Variants in FAM47B observed in about 807,000 individuals in gnomAD.
The protein encoded by FAM47B is protein FAM47B.
For synonymous variants in FAM47B, 247 were observed against 215.8 expected (o/e 1.14, Z -1.27); for missense variants, 581 against 550.1 (o/e 1.06, Z -0.56).
rs1926808356 is a variant in FAM47B, at chrX:34,943,325, G to A, written c.494G>A (p.Arg165His). The A allele has an allele frequency of 8.3e-7, 1 of 1,211,110 alleles. No individual in the cohort carries two copies. Among genetic ancestry groups the A allele is most frequent in the Non-Finnish European group, 1.1e-6 (1 of 895,241 alleles). The change falls in exon 1 of 1, where the codon CGT (arginine) becomes CAT (histidine). Residue 165 changes from arginine to histidine, a missense_variant. Coordinates refer to ENST00000329357, the MANE Select transcript of FAM47B (RefSeq NM_152631.3). ...PERKLEDAWA[R>H]CEAREKTTEV... ...AGGAAGCTGGAGGACGCTTGGGCTC[G>A]TTGTGAGGCCCGGGAGAAGACAACC... is the stretch of plus-strand genomic sequence containing the variant.
Position 34,944,237 on chromosome X carries a change from C to T in FAM47B, c.1406C>T (p.Ala469Val). ...AGAAAACTCCGTGACTTCAAGTGGG[C>T]TGGAGACCTAGGAGTTAATGAAGAA... ...TSRKLRDFKWAGDLGVNEESI... is the reference protein window; with the variant it reads ...TSRKLRDFKWVGDLGVNEESI... Residue 469 changes from alanine to valine, a missense_variant, in exon 1 of 1, where the codon GCT (alanine) becomes GTT (valine). By Grantham distance (64) the Ala-to-Val change is moderately conservative (BLOSUM62 0). Transcript: ENST00000329357. The T allele has an allele frequency of 8.3e-7, 1 of 1,211,791 alleles. No individual in the cohort carries two copies.
At position 34,944,547 on chromosome X, in the gene FAM47B, C is replaced by A. The variant is rs766510395; in HGVS notation, c.1716C>A (p.Pro572=). The A allele has an allele frequency of 8.3e-7, 1 of 1,208,360 alleles. No individual in the cohort carries two copies. Among genetic ancestry groups the A allele is most frequent in the Non-Finnish European group, 1.1e-6 (1 of 894,600 alleles). ...ATGAACCTTTGATTGACCCCAAGCC[C>A]GTACTTGAAAAGCCTGATGAACCCG... is the stretch of plus-strand genomic sequence containing the variant. ...RSDEPLIDPK[P]VLEKPDEPDI... is the part of the protein sequence containing the mutation. Residue 572 remains proline (P), a synonymous_variant, in exon 1 of 1, where the codon CCC becomes CCA. Coordinates refer to ENST00000329357, the MANE Select transcript of FAM47B (RefSeq NM_152631.3).
At position 34,943,144 on chromosome X, in the gene FAM47B, T is replaced by G. The variant is rs1569204063; in HGVS notation, c.313T>G (p.Ser105Ala). ...KKLLKKAALF[S>A]ELSPVQPARK... The stretch of plus-strand genomic sequence containing the variant: ...GCTGCTCAAGAAAGCGGCCCTATTT[T>G]CCGAGCTCTCGCCAGTACAGCCAGC... The change falls in exon 1 of 1, where the codon TCC (serine) becomes GCC (alanine). Residue 105 changes from serine (S) to alanine (A), a missense_variant. Ser to Ala is a moderately conservative substitution (Grantham distance 99). Coordinates refer to ENST00000329357, the MANE Select transcript of FAM47B (RefSeq NM_152631.3). The G allele has an allele frequency of 1.7e-6, 2 of 1,211,609 alleles. No individual in the cohort carries two copies. Among genetic ancestry groups the G allele is most frequent in the South Asian group, 1.8e-5 (1 of 56,949 alleles).
chrX:34,944,377 G>T lies in FAM47B; in HGVS notation c.1546G>T (p.Asp516Tyr), dbSNP rs1480429154. ...SRLMYGMELD[D>Y]MDEVEFLRIK... is the part of the protein sequence containing the mutation. ...GCTGATGTACGGCATGGAGCTAGAC[G>T]ACATGGATGAGGTCGAATTCTTACG... Residue 516 changes from aspartate (D) to tyrosine (Y), a missense_variant, in exon 1 of 1, where the codon GAC becomes TAC. Coordinates refer to ENST00000329357, the MANE Select transcript of FAM47B (RefSeq NM_152631.3). The T allele has an allele frequency of 8.3e-7, 1 of 1,210,092 alleles. No individual in the cohort carries two copies. The highest frequency in any genetic ancestry group is 1.1e-6 in the Non-Finnish European group (1 of 895,387).
chrX:34,943,626 G>A lies in FAM47B; in HGVS notation c.795G>A (p.Lys265=), dbSNP rs1926822907. ...GVSHLCPEPP[K]TLVSSVHPEP... Reference sequence around the variant, plus strand: ...CCCATCTCTGCCCAGAGCCTCCCAAGACTCTGGTGTCCAGTGTCCACCCAG... The same window carrying A: ...CCCATCTCTGCCCAGAGCCTCCCAAAACTCTGGTGTCCAGTGTCCACCCAG... The change falls in exon 1 of 1, where the codon AAG becomes AAA. Residue 265 remains lysine, a synonymous_variant. Coordinates refer to ENST00000329357, the MANE Select transcript of FAM47B (RefSeq NM_152631.3). The A allele has an allele frequency of 8.3e-7, 1 of 1,207,672 alleles. No individual in the cohort carries two copies.
rs185208351 is a variant in FAM47B at position 34,943,049 on chromosome X, G to T, written c.218G>T (p.Arg73Leu). 2.0e-5 allele frequency: 24 copies of T among 1,210,499 alleles called. No individual in the cohort carries two copies. The highest frequency in any genetic ancestry group is 2.7e-5 in the Non-Finnish European group (24 of 895,307). The change falls in exon 1 of 1, where the codon CGT (arginine) becomes CTT (leucine). Residue 73 changes from arginine (R) to leucine (L), a missense_variant. Physicochemically the swap from Arg to Leu is moderately radical, Grantham distance 102. Coordinates refer to ENST00000329357, the MANE Select transcript of FAM47B (RefSeq NM_152631.3). Reference sequence around the variant, plus strand: ...CCTGAAGATACGCTTGTTTGTCGCCGTGACGAGTTTTTACTCCCCAAAATA... The same window carrying T: ...CCTGAAGATACGCTTGTTTGTCGCCTTGACGAGTTTTTACTCCCCAAAATA... ...QSPEDTLVCR[R>L]DEFLLPKISL...
rs757102511 is a variant in FAM47B, at chrX:34,944,584, G to C, written c.1753G>C (p.Gly585Arg). 1 of 1,207,415 alleles carries C rather than the reference G, an allele frequency of 8.3e-7. No individual in the cohort carries two copies. Among genetic ancestry groups the C allele is most frequent in the African/African-American group, 1.8e-5 (1 of 56,985 alleles). Residue 585 changes from glycine (G) to arginine (R), a missense_variant, in exon 1 of 1, where the codon GGT becomes CGT. By Grantham distance (125) the Gly-to-Arg change is moderately radical. Transcript: ENST00000329357. ...EKPDEPDILD[G>R]LYGPIAFKDF... The stretch of plus-strand genomic sequence containing the variant: ...GCCTGATGAACCCGACATTCTTGAC[G>C]GTCTTTATGGACCAATTGCCTTTAA...
In FAM47B at chrX:34,943,407, C is replaced by G; in HGVS notation, c.576C>G (p.Pro192=). The G allele has an allele frequency of 8.3e-7, 1 of 1,210,023 alleles. No individual in the cohort carries two copies. The highest frequency in any genetic ancestry group is 1.1e-6 in the Non-Finnish European group (1 of 894,910). Residue 192 remains proline (P), a synonymous_variant, in exon 1 of 1, where the codon CCC becomes CCG. Transcript: ENST00000329357. ...YPCGESCPRP[P]ETPVSRLRPQ... ...GTGGGGAATCCTGCCCGCGGCCTCCCGAGACTCCGGTGTCCCGTCTCCGTC... is the reference window on the plus strand; with the variant it reads ...GTGGGGAATCCTGCCCGCGGCCTCCGGAGACTCCGGTGTCCCGTCTCCGTC...
rs369853205 is a variant in FAM47B, at chrX:34,944,334, A to C, written c.1503A>C (p.Ala501=). ...TTDQDQKIKK[A]NECASRLMYG... is the part of the protein sequence containing the mutation. ...ATCAAGACCAAAAGATTAAGAAGGC[A>C]AACGAGTGTGCTTCAAGGCTGATGT... is the stretch of plus-strand genomic sequence containing the variant. The change falls in exon 1 of 1, where the codon GCA becomes GCC. Residue 501 remains alanine, a synonymous_variant. Coordinates refer to ENST00000329357, the MANE Select transcript of FAM47B (RefSeq NM_152631.3). 1 of 1,211,955 alleles carries C rather than the reference A, an allele frequency of 8.3e-7. No individual in the cohort carries two copies. The highest frequency in any genetic ancestry group is 1.1e-6 in the Non-Finnish European group (1 of 895,605).
At position 34,942,841 on chromosome X, in the gene FAM47B, C is replaced by T. The variant is rs752260164; in HGVS notation, c.10C>T (p.Arg4Trp). The change falls in exon 1 of 1, where the codon CGG becomes TGG. Residue 4 changes from arginine to tryptophan, a missense_variant. Arg to Trp is a moderately radical substitution (Grantham distance 101). Coordinates refer to ENST00000329357, the MANE Select transcript of FAM47B (RefSeq NM_152631.3). The stretch of plus-strand genomic sequence containing the variant: ...AACAGAGAGGGCCACCATGGGGGAC[C>T]GGAGGCCACAGGACCGGCCAAGGTC... MGD[R>W]RPQDRPRSQG... 35 of 1,196,422 alleles carry T rather than the reference C, an allele frequency of 2.9e-5. No individual in the cohort carries two copies. Among genetic ancestry groups the T allele is most frequent in the African/African-American group, 3.5e-5 (2 of 56,829 alleles).
chrX:34,944,096 GTC>G lies in FAM47B; in HGVS notation c.1269_1270del (p.Cys424ProfsTer28). On this transcript the variant is annotated frameshift_variant, in exon 1 of 1. Transcript: ENST00000329357. LOFTEE classifies it low-confidence loss of function (END_TRUNC). ...CCTCCCAAGACTCGTCGGGTGTCCAGTCTCTGCCCGGAGCCTACCAAGACCGG... is the reference window on the plus strand; with the variant it reads ...CCTCCCAAGACTCGTCGGGTGTCCAGTCTGCCCGGAGCCTACCAAGACCGG... 1 of 1,210,282 alleles carries G rather than the reference GTC, an allele frequency of 8.3e-7. No individual in the cohort carries two copies. The highest frequency in any genetic ancestry group is 1.1e-6 in the Non-Finnish European group (1 of 895,078).
rs1230800706 is a variant in FAM47B at position 34,944,179 on chromosome X, G to A, written c.1348G>A (p.Val450Ile). Residue 450 changes from valine to isoleucine, a missense_variant, in exon 1 of 1, where the codon GTT becomes ATT. Transcript: ENST00000329357. ...AGATACACCAAGCACAATGGAGTGT[G>A]TTTCTGACTCTCTTCAACGTAGACA... ...QEDTPSTMECVSDSLQRRHTS... is the reference protein window; with the variant it reads ...QEDTPSTMECISDSLQRRHTS... 27 of 1,211,733 alleles carry A rather than the reference G, an allele frequency of 2.2e-5. No homozygotes were observed. Among genetic ancestry groups the A allele is most frequent in the Non-Finnish European group, 2.9e-5 (26 of 895,597 alleles).
Position 34,943,423 on chromosome X carries a change from C to G in FAM47B, c.592C>G (p.Arg198Gly). The G allele has an allele frequency of 1.7e-6, 2 of 1,210,632 alleles. No individual in the cohort carries two copies. Among genetic ancestry groups the G allele is most frequent in the Non-Finnish European group, 2.2e-6 (2 of 895,168 alleles). ...CPRPPETPVS[R>G]LRPQLPKTPV... ...GCGGCCTCCCGAGACTCCGGTGTCC[C>G]GTCTCCGTCCTCAGCTTCCCAAGAC... The change falls in exon 1 of 1, where the codon CGT (arginine) becomes GGT (glycine). Residue 198 changes from arginine to glycine, a missense_variant. Transcript: ENST00000329357.
At position 34,943,046 on chromosome X, in the gene FAM47B, G is replaced by C; in HGVS notation, c.215G>C (p.Arg72Pro). Reference protein sequence around the residue: ...CQSPEDTLVCRRDEFLLPKIS... With the variant: ...CQSPEDTLVCPRDEFLLPKIS... ...TCTCCTGAAGATACGCTTGTTTGTC[G>C]CCGTGACGAGTTTTTACTCCCCAAA... The change falls in exon 1 of 1, where the codon CGC becomes CCC. Residue 72 changes from arginine (R) to proline (P), a missense_variant. Coordinates refer to ENST00000329357, the MANE Select transcript of FAM47B (RefSeq NM_152631.3). 1 of 1,211,781 alleles carries C rather than the reference G, an allele frequency of 8.3e-7. No homozygotes were observed. Among genetic ancestry groups the C allele is most frequent in the Non-Finnish European group, 1.1e-6 (1 of 895,508 alleles).
rs151033833 is a variant in FAM47B at position 34,944,222 on chromosome X, G to T, written c.1391G>T (p.Arg464Leu). Residue 464 changes from arginine (R) to leucine (L), a missense_variant, in exon 1 of 1, where the codon CGT becomes CTT. Physicochemically the swap from Arg to Leu is moderately radical, Grantham distance 102. Coordinates refer to ENST00000329357, the MANE Select transcript of FAM47B (RefSeq NM_152631.3). ...LQRRHTSRKL[R>L]DFKWAGDLGV... ...CGTAGACACACATCGAGAAAACTCC[G>T]TGACTTCAAGTGGGCTGGAGACCTA... 1.1e-5 allele frequency: 13 copies of T among 1,209,845 alleles called. No individual in the cohort carries two copies. In the East Asian group the frequency reaches 3.6e-4, roughly 33 times the overall value.
Position 34,943,519 on chromosome X carries a change from A to G in FAM47B, c.688A>G (p.Thr230Ala). 8.3e-7 allele frequency: 1 copy of G among 1,208,392 alleles called. No individual in the cohort carries two copies. The highest frequency in any genetic ancestry group is 1.1e-6 in the Non-Finnish European group (1 of 894,561). Reference protein sequence around the residue: ...VSSLRPEPPKTRVSSLHPEPP... With the variant: ...VSSLRPEPPKARVSSLHPEPP... ...CAGTCTCCGCCCAGAGCCTCCCAAG[A>G]CTCGGGTGTCCAGTCTCCACCCGGA... Residue 230 changes from threonine (T) to alanine (A), a missense_variant, in exon 1 of 1, where the codon ACT becomes GCT. By Grantham distance (58) the Thr-to-Ala change is moderately conservative (BLOSUM62 0). Coordinates refer to ENST00000329357, the MANE Select transcript of FAM47B (RefSeq NM_152631.3).
At position 34,943,378 on chromosome X, in the gene FAM47B, C is replaced by T; in HGVS notation, c.547C>T (p.Pro183Ser). The T allele has an allele frequency of 3.3e-6, 4 of 1,211,123 alleles. No individual in the cohort carries two copies. The highest frequency in any genetic ancestry group is 3.0e-5 in the East Asian group (1 of 33,752). The change falls in exon 1 of 1, where the codon CCC (proline) becomes TCC (serine). Residue 183 changes from proline to serine, a missense_variant. Transcript: ENST00000329357. ...GGTACCCACCGAGTCTGGTAAATAT[C>T]CCTGTGGGGAATCCTGCCCGCGGCC... ...TEVPTESGKY[P>S]CGESCPRPPE... is the part of the protein sequence containing the mutation.
Position 34,943,315 on chromosome X carries a change from G to A in FAM47B, c.484G>A (p.Ala162Thr). Residue 162 changes from alanine (A) to threonine (T), a missense_variant, in exon 1 of 1, where the codon GCT becomes ACT. Transcript: ENST00000329357. ...QLDPERKLED[A>T]WARCEAREKT... ...GGATCCCGAGAGGAAGCTGGAGGAC[G>A]CTTGGGCTCGTTGTGAGGCCCGGGA... 1 of 1,211,197 alleles carries A rather than the reference G, an allele frequency of 8.3e-7. No individual in the cohort carries two copies. The highest frequency in any genetic ancestry group is 1.1e-6 in the Non-Finnish European group (1 of 895,297).
rs761991298 is a variant in FAM47B at position 34,944,685 on chromosome X, C to A, written c.1854C>A (p.Tyr618Ter). ...TGTTTGCCAAGAAGGGATGGACTTACGACTCTGTTAAGACTCCTATTCAAC... is the reference window on the plus strand; with the variant it reads ...TGTTTGCCAAGAAGGGATGGACTTAAGACTCTGTTAAGACTCCTATTCAAC... The part of the protein sequence containing the change: ...EKLFAKKGWT[Y>*]DSVKTPIQRA... The change falls in exon 1 of 1, where the codon TAC becomes TAA. Residue 618 changes from tyrosine to a stop codon, truncating the protein, a stop_gained. Coordinates refer to ENST00000329357, the MANE Select transcript of FAM47B (RefSeq NM_152631.3). LOFTEE classifies it low-confidence loss of function (END_TRUNC). The A allele has an allele frequency of 1.7e-6, 2 of 1,208,817 alleles. No homozygotes were observed. The highest frequency in any genetic ancestry group is 2.2e-6 in the Non-Finnish European group (2 of 894,508).
Sources: allele counts gnomAD v4.1 joint callset, GRCh38; gene constraint gnomAD v4.1.1; transcripts MANE v1.5; gene names NCBI Gene and HGNC (gene_info 2026-07-23, HGNC 2026-07-21).